PHRF1: variants seen among roughly 807,000 people sequenced by gnomAD.
PHRF1 encodes PHD and RING finger domain-containing protein 1.
A neutral mutation model predicts 128.9 loss-of-function variants in PHRF1; 53 were observed. That is an observed-to-expected ratio of 0.41 (90% CI 0.33 to 0.52). The LOEUF (loss-of-function observed/expected upper bound fraction) is 0.52, where lower values mean the gene tolerates loss of function less well. PHRF1 is among the 20% of genes least tolerant of loss of function. PHRF1 has a pLI of 0.21. For missense variants in PHRF1, 2,503 were observed against 2,284.5 expected (o/e 1.10, Z -1.95); for synonymous variants, 1,178 against 980.6 (o/e 1.20, Z -3.76).
At chr11:585,157 C>T (rs1462718826) in intron 3 of PHRF1, among the ~76,000 whole-genome samples, 2 of 152,198 alleles carry the variant, frequency 1.3e-5, no homozygotes, top group African/African-American at 2.4e-5. Context: ...AGCTTTCGTT[C>T]TCATTGCTTT....
Position 608,678 on chromosome 11 carries a change from C to G in PHRF1, c.3222C>G (p.Ser1074Arg). ...AGAGGAAGAAAGCCAAGGACAAGAG[C>G]AGGGAGCACAGGCGGGGCCCCTGGG... Reference protein sequence around the residue: ...RAKRKKAKDKSREHRRGPWGH... With the variant: ...RAKRKKAKDKRREHRRGPWGH... The change falls in exon 14 of 18, where the codon AGC becomes AGG. Residue 1074 changes from serine to arginine, a missense_variant. Transcript: ENST00000264555. 1 of 1,612,356 alleles carries G rather than the reference C, an allele frequency of 6.2e-7. No individual in the cohort carries two copies. Among genetic ancestry groups the G allele is most frequent in the Non-Finnish European group, 8.5e-7 (1 of 1,179,764 alleles).
At chr11:587,510 C>T (rs764417049) in intron 4 of PHRF1, 46 bp downstream of exon 4, 9 of 1,589,892 alleles carry the variant, frequency 5.7e-6, no homozygotes, top group East Asian at 4.5e-5. Flanking sequence ...AGGATGGCCT[C>T]CCTGTTTATA....
chr11:602,875 C>G (rs926118336), intron 10 of PHRF1, among the ~76,000 whole-genome samples: 6 of 151,250 alleles, frequency 4.0e-5, no homozygotes, highest in Non-Finnish European at 1.5e-5. Flanking sequence ...TGATTCTCCT[C>G]CCTCAGCCTC....
chr11:611,983 A>T lies in PHRF1; in HGVS notation c.*206A>T. The stretch of plus-strand genomic sequence containing the variant: ...GTGCACCTGTGTTGCTCACAGTTGA[A>T]AACTGGACACTTTTGTATGTATATT... On this transcript the variant is annotated 3_prime_UTR_variant, in exon 18 of 18. Coordinates refer to ENST00000264555, the MANE Select transcript of PHRF1 (RefSeq NM_001286581.2). 1 of 717,974 alleles carries T rather than the reference A, an allele frequency of 1.4e-6. No homozygotes were observed. The highest frequency in any genetic ancestry group is 2.2e-6 in the Non-Finnish European group (1 of 446,942). 44.5% of individuals were successfully genotyped at this position (717,974 alleles called of 1,614,324 possible). A position where few individuals can be genotyped will look rare whatever the true frequency, so the allele number is the denominator to read the frequency against.
Position 609,057 on chromosome 11 carries a change from G to C in PHRF1, c.3601G>C (p.Ala1201Pro). 6.3e-7 allele frequency: 1 copy of C among 1,595,728 alleles called. No homozygotes were observed. Among genetic ancestry groups the C allele is most frequent in the South Asian group, 1.1e-5 (1 of 89,446 alleles). The stretch of plus-strand genomic sequence containing the variant: ...AGAGAGGAAGGGGGCTGTGAGGGAG[G>C]CTTCCCCAGCGCCCCTTGCACAGGG... ...SPERKGAVREASPAPLAQGEP... is the reference protein window; with the variant it reads ...SPERKGAVREPSPAPLAQGEP... The change falls in exon 14 of 18, where the codon GCT becomes CCT. Residue 1201 changes from alanine (A) to proline (P), a missense_variant. Physicochemically the swap from Ala to Pro is conservative, Grantham distance 27 (BLOSUM62 -1). Transcript: ENST00000264555.
At position 609,258 on chromosome 11, in the gene PHRF1, G is replaced by A. The variant is rs376670960; in HGVS notation, c.3802G>A (p.Gly1268Arg). 6.2e-6 allele frequency: 10 copies of A among 1,611,986 alleles called. No homozygotes were observed. The highest frequency in any genetic ancestry group is 1.7e-5 in the Admixed American group (1 of 60,030). ...GGATTATGGCGACTCCGTGGAGGCC[G>A]GACACGTCTTTGATGATTTCTCAAG... Reference protein sequence around the residue: ...DLDYGDSVEAGHVFDDFSSDA... With the variant: ...DLDYGDSVEARHVFDDFSSDA... The change falls in exon 14 of 18, where the codon GGA (glycine) becomes AGA (arginine). Residue 1268 changes from glycine to arginine, a missense_variant. By Grantham distance (125) the Gly-to-Arg change is moderately radical. Coordinates refer to ENST00000264555, the MANE Select transcript of PHRF1 (RefSeq NM_001286581.2).
At chr11:577,410 T>A in intron 1 of PHRF1, among the ~76,000 whole-genome samples, 1 of 152,234 alleles carries the variant, frequency 6.6e-6, no homozygotes, top group East Asian at 1.9e-4. Flanking sequence ...CAGTGGTCAA[T>A]GGACAGGCTC....
chr11:609,693 A>G lies in PHRF1; in HGVS notation c.4237A>G (p.Ser1413Gly), dbSNP rs754352195. Residue 1413 changes from serine to glycine, a missense_variant, in exon 14 of 18, where the codon AGC becomes GGC. By Grantham distance (56) the Ser-to-Gly change is moderately conservative. Transcript: ENST00000264555. ...CTGGAACCTGCAGGAGTCGGAGAGC[A>G]GCGCCCCCGCCGAGGACAGAGCCCC... ...VTWNLQESES[S>G]APAEDRAPRA... 12 of 1,510,310 alleles carry G rather than the reference A, an allele frequency of 7.9e-6. No homozygotes were observed. The highest frequency in any genetic ancestry group is 1.1e-5 in the Non-Finnish European group (12 of 1,132,366). The allele number at this position is 1,510,310 out of a possible 1,614,324, so 93.6% of individuals were successfully genotyped here.
At chr11:582,499 T>A (rs1258118016) in intron 3 of PHRF1, among the ~76,000 whole-genome samples, 1 of 151,946 alleles carries the variant, frequency 6.6e-6, no homozygotes, top group Non-Finnish European at 1.5e-5. Context: ...TGACCTCAAG[T>A]GAGCCGCTGT....
chr11:605,492 C>T (rs955425249), intron 11 of PHRF1, 113 bp from the exon 12 acceptor site: 92 of 1,517,294 alleles, frequency 6.1e-5, no homozygotes, highest in Middle Eastern at 1.8e-4. Flanking sequence ...CCGAATCACA[C>T]GTGCCGCCAC....
intron 10 of PHRF1, 127 bp downstream of exon 10, chr11:601,828 C>T (rs943818153): frequency 4.1e-6 from 5 of 1,210,592 alleles, no homozygotes; most frequent in South Asian, 1.5e-5. Flanking sequence ...GGATCATCAT[C>T]GTCTTTGCTT....
At chr11:611,268 C>T (rs1399203023) in intron 17 of PHRF1, among the ~76,000 whole-genome samples, 186 bp downstream of exon 17, 1 of 152,130 alleles carries the variant, frequency 6.6e-6, no homozygotes, top group Non-Finnish European at 1.5e-5. Flanking sequence ...CCTGTGGCTG[C>T]CCCTGGCAGA....
At position 601,626 on chromosome 11, in the gene PHRF1, A is replaced by C. The variant is rs764215194; in HGVS notation, c.1077A>C (p.Ala359=). The C allele has an allele frequency of 1.9e-6, 3 of 1,613,802 alleles. No homozygotes were observed. The South Asian group carries it at 3.3e-5, about 18-fold the overall frequency. Residue 359 remains alanine (A), a synonymous_variant, in exon 10 of 18, where the codon GCA becomes GCC. Transcript: ENST00000264555. ...GRKKTPSGPS[A]KSKSSATRSK... ...AGAAAACCCCGTCCGGACCATCCGCAAAAAGTAAGAGCTCAGCGACAAGAT... is the reference window on the plus strand; with the variant it reads ...AGAAAACCCCGTCCGGACCATCCGCCAAAAGTAAGAGCTCAGCGACAAGAT...
intron 4 of PHRF1, among the ~76,000 whole-genome samples, chr11:588,658 C>T (rs574429394): frequency 3.3e-5 from 5 of 151,964 alleles, no homozygotes; most frequent in African/African-American, 1.2e-4. Flanking sequence ...GGATTACAGG[C>T]GTGAGCCACC....
rs1416051858 is a variant in PHRF1, at chr11:597,589, A to G, written c.894+19A>G. 6.3e-7 allele frequency: 1 copy of G among 1,596,994 alleles called. No homozygotes were observed. Among genetic ancestry groups the G allele is most frequent in the East Asian group, 2.3e-5 (1 of 43,966 alleles). ...GGTCCAGGTGGGTGGCCCAGCCCTG[A>G]CGCCAGTCGTAGAACCCCAGCTGCC... On this transcript the variant is annotated intron_variant, in intron 8 of 17. Transcript: ENST00000264555. This position sits in a 1 kb window ranked among gnomAD's most constrained non-coding sequence, Gnocchi z 6.5.
At chr11:601,902 G>A (rs1855649010) in intron 10 of PHRF1, among the ~76,000 whole-genome samples, 1 of 152,248 alleles carries the variant, frequency 6.6e-6, no homozygotes, top group African/African-American at 2.4e-5. Flanking sequence ...ACTGAAGATG[G>A]GGTTGAGGCC....
intron 3 of PHRF1, 66 bp from the exon 4 acceptor site, chr11:587,193 T>C: frequency 6.6e-7 from 1 of 1,515,344 alleles, no homozygotes; most frequent in South Asian, 1.2e-5. Flanking sequence ...CTGGGCCCGC[T>C]TGCCTCCAGT....
At position 609,023 on chromosome 11, in the gene PHRF1, C is replaced by A; in HGVS notation, c.3567C>A (p.Ser1189=). 2 of 1,596,392 alleles carry A rather than the reference C, an allele frequency of 1.3e-6. No homozygotes were observed. The highest frequency in any genetic ancestry group is 1.7e-6 in the Non-Finnish European group (2 of 1,172,474). The change falls in exon 14 of 18, where the codon TCC becomes TCA. Residue 1189 remains serine, a synonymous_variant. Coordinates refer to ENST00000264555, the MANE Select transcript of PHRF1 (RefSeq NM_001286581.2). ...RSREKWPQTR[S]HSPERKGAVR... ...GTGAGAAGTGGCCGCAGACCCGGTCCCATTCCCCAGAGAGGAAGGGGGCTG... is the reference window on the plus strand; with the variant it reads ...GTGAGAAGTGGCCGCAGACCCGGTCACATTCCCCAGAGAGGAAGGGGGCTG...
intron 17 of PHRF1, among the ~76,000 whole-genome samples, chr11:611,424 C>T (rs544902645): frequency 1.1e-4 from 17 of 152,336 alleles, no homozygotes; most frequent in Admixed American, 9.8e-4. Flanking sequence ...CCACCGACAC[C>T]GTGGGACCCT....
Sources: gnomAD v4.1 joint callset for allele counts (sites outside exome capture counted in the v4.1 genomes callset) on GRCh38, gnomAD v4.1.1 for gene constraint, Gnocchi (gnomAD v3.1) non-coding constraint, MANE v1.5 for transcripts, NCBI Gene and HGNC (gene_info 2026-07-23, HGNC 2026-07-21) for gene names.